FRY: variants seen among roughly 807,000 people sequenced by gnomAD.
FRY encodes the protein FRY microtubule binding protein.
In FRY, 128 loss-of-function variants were observed where a neutral mutation model predicts 348.4. That is an observed-to-expected ratio of 0.37 (90% CI 0.32 to 0.43). The LOEUF is 0.43. FRY is among the 20% of genes least tolerant of loss of function. The probability of loss-of-function intolerance (pLI) is 1.00; values close to 1 mark genes in which losing one functional copy is unlikely to be tolerated. For missense variants in FRY, 2,736 were observed against 3,695.2 expected, an observed-to-expected ratio of 0.74 and a Z score of 6.73; for synonymous variants, 1,370 against 1,374.7, an observed-to-expected ratio of 1.00 and a Z score of 0.08.
At position 32,265,605 on chromosome 13, in the gene FRY, T is replaced by C. The variant is rs1319998513; in HGVS notation, c.7935T>C (p.Phe2645=). ...EEKGNRALDQ[F]TLASFGEGDR... ...AAGGCAATCGGGCACTGGACCAGTT[T>C]ACCCTGGCGAGGTAATGGAGCCCTT... is the stretch of plus-strand genomic sequence containing the variant. Residue 2645 remains phenylalanine, a synonymous_variant, in exon 54 of 61, where the codon TTT becomes TTC. Coordinates refer to ENST00000542859, the MANE Select transcript of FRY (RefSeq NM_023037.3). 2 of 1,613,960 alleles carry C rather than the reference T, an allele frequency of 1.2e-6. No individual in the cohort carries two copies. The highest frequency in any genetic ancestry group is 2.7e-5 in the African/African-American group (2 of 74,942).
At chr13:32,062,871 G>A (rs1008932330) in intron 1 of FRY, among the ~76,000 whole-genome samples, 3 of 151,524 alleles carry the variant, frequency 2.0e-5, no homozygotes, top group African/African-American at 7.3e-5. Context: ...TTTTATAATG[G>A]CATATATATA....
chr13:32,254,238 G>T lies in FRY; in HGVS notation c.7260G>T (p.Ser2420=). The change falls in exon 51 of 61, where the codon TCG becomes TCT. Residue 2420 remains serine, a synonymous_variant. Transcript: ENST00000542859. ...LSKNPSVIFS[S]CGDLDLLEHQ... ...TTGATTCGCAGGTGATTTTTTCATC[G>T]TGTGGGGATCTGGATCTGCTTGAGC... 3 of 1,614,048 alleles carry T rather than the reference G, an allele frequency of 1.9e-6. No individual in the cohort carries two copies. Among genetic ancestry groups the T allele is most frequent in the Non-Finnish European group, 2.5e-6 (3 of 1,179,988 alleles).
intron 29 of FRY, among the ~76,000 whole-genome samples, chr13:32,201,376 G>A (rs1884021824): frequency 6.6e-6 from 1 of 152,120 alleles, no homozygotes; most frequent in Non-Finnish European, 1.5e-5. Context: ...GCATGCTGTG[G>A]ATGTTCCAAC....
intron 1 of FRY, among the ~76,000 whole-genome samples, chr13:32,037,692 G>A (rs908673978): frequency 6.6e-6 from 1 of 152,156 alleles, no homozygotes. Context: ...AATATTTAGA[G>A]GTTTCAACTG....
intron 1 of FRY, among the ~76,000 whole-genome samples, chr13:32,056,063 C>T (rs756607343): frequency 1.1e-4 from 17 of 151,758 alleles, no homozygotes; most frequent in South Asian, 2.1e-4. Context: ...TGGTGGCATG[C>T]GCCTGTAGTC....
chr13:32,291,898 G>A (rs948491747), intron 59 of FRY: 5 of 402,968 alleles, frequency 1.2e-5, no homozygotes, highest in Non-Finnish European at 2.0e-5. Flanking sequence ...AGATGTGACT[G>A]AATTGCTGCA....
intron 1 of FRY, among the ~76,000 whole-genome samples, chr13:32,045,637 G>C (rs961403134): frequency 6.6e-6 from 1 of 152,192 alleles, no homozygotes; most frequent in Admixed American, 6.5e-5. Flanking sequence ...CAAGCCATTT[G>C]TTTTGGTAGA....
At chr13:32,287,104 G>A (rs1282162618) in intron 58 of FRY, among the ~76,000 whole-genome samples, 2 of 151,304 alleles carry the variant, frequency 1.3e-5, no homozygotes, top group East Asian at 3.9e-4. Flanking sequence ...GGCGGAGGTT[G>A]CAATGAGCCA....
chr13:32,121,071 T>C (rs751353636), intron 4 of FRY, among the ~76,000 whole-genome samples: 3 of 152,230 alleles, frequency 2.0e-5, no homozygotes, highest in Non-Finnish European at 4.4e-5. Context: ...TAGTCTCCAA[T>C]CTCATCCAGG....
chr13:32,237,657 A>T lies in FRY; in HGVS notation c.6089A>T (p.Asp2030Val). The change falls in exon 44 of 61, where the codon GAC becomes GTC. Residue 2030 changes from aspartate to valine, a missense_variant. By Grantham distance (152) the Asp-to-Val change is radical. This residue lies in a region of FRY where 789 missense variants were observed against 996.2 expected (regional missense o/e 0.79). Coordinates refer to ENST00000542859, the MANE Select transcript of FRY (RefSeq NM_023037.3). This position sits in a 1 kb window ranked among gnomAD's most constrained non-coding sequence, Gnocchi z 6.3. ...SSSSLKDSLT[D>V]PSHINHPTNL... ...TCCTCCTTGAAGGACAGTCTCACGGACCCATCCCACATAAACCATCCCACC... is the reference window on the plus strand; with the variant it reads ...TCCTCCTTGAAGGACAGTCTCACGGTCCCATCCCACATAAACCATCCCACC... 1 of 1,614,114 alleles carries T rather than the reference A, an allele frequency of 6.2e-7. No individual in the cohort carries two copies. The highest frequency in any genetic ancestry group is 1.1e-5 in the South Asian group (1 of 91,072).
intron 15 of FRY, among the ~76,000 whole-genome samples, chr13:32,156,157 G>A (rs1881093676): frequency 6.6e-6 from 1 of 152,106 alleles, no homozygotes; most frequent in East Asian, 1.9e-4. Context: ...GATGTTTTTG[G>A]CATTTGTTCA....
At chr13:32,233,649 C>G (rs928405814) in intron 41 of FRY, among the ~76,000 whole-genome samples, 6 of 152,212 alleles carry the variant, frequency 3.9e-5, no homozygotes, top group Non-Finnish European at 8.8e-5. Flanking sequence ...CAGCTTTCCT[C>G]TCTTCTGAAA....
At chr13:32,054,956 T>C (rs1873544341) in intron 1 of FRY, among the ~76,000 whole-genome samples, 1 of 152,192 alleles carries the variant, frequency 6.6e-6, no homozygotes, top group East Asian at 1.9e-4. Flanking sequence ...CAAGTTCTTT[T>C]GGTTAACTTC....
chr13:32,225,097 G>A (rs573072950), intron 38 of FRY, 61 bp downstream of exon 38: 26 of 943,442 alleles, frequency 2.8e-5, no homozygotes, highest in East Asian at 1.4e-4. Flanking sequence ...GAAGTAATCC[G>A]TAGAGATTTC....
At position 32,233,123 on chromosome 13, in the gene FRY, G is replaced by A. The variant is rs989823475; in HGVS notation, c.5528-1451G>A. Among the ~76,000 whole-genome samples the A allele has an allele frequency of 3.9e-5, 6 of 152,244 alleles. No homozygotes were observed. In the East Asian group the frequency reaches 7.7e-4, roughly 20 times the overall value. On this transcript the variant is annotated intron_variant, in intron 41 of 60. Transcript: ENST00000542859. Reference sequence around the variant, plus strand: ...GCAGCCTACATGGGTTTAATCCTACGTTTACTACCCTGAATGTGTCTGAAG... The same window carrying A: ...GCAGCCTACATGGGTTTAATCCTACATTTACTACCCTGAATGTGTCTGAAG...
At chr13:32,079,977 A>G (rs1875373562) in intron 2 of FRY, among the ~76,000 whole-genome samples, 1 of 152,262 alleles carries the variant, frequency 6.6e-6, no homozygotes, top group South Asian at 2.1e-4. Flanking sequence ...CTCTGAAAAT[A>G]TGTAATAGAT....
intron 5 of FRY, 68 bp downstream of exon 5, chr13:32,124,444 AG>A: frequency 2.0e-6 from 2 of 989,274 alleles, no homozygotes; most frequent in Non-Finnish European, 3.1e-6. Flanking sequence ...AGGTTGTAAA[AG>A]TCTAAGTTTT....
At chr13:32,062,974 T>C (rs1182746289) in intron 1 of FRY, among the ~76,000 whole-genome samples, 1 of 151,932 alleles carries the variant, frequency 6.6e-6, no homozygotes, top group Admixed American at 6.6e-5. Context: ...ATATATTTTA[T>C]AATAGAATGC....
chr13:32,213,957 C>T (rs1023912705), intron 35 of FRY, among the ~76,000 whole-genome samples: 2 of 152,224 alleles, frequency 1.3e-5, no homozygotes, highest in African/African-American at 4.8e-5. Flanking sequence ...ATTGGAAAGC[C>T]TGATGCAATT....
Sources: allele counts gnomAD v4.1 joint callset (sites outside exome capture counted in the v4.1 genomes callset), GRCh38; gene constraint gnomAD v4.1.1; regional missense constraint gnomAD v4.1.1; non-coding constraint Gnocchi (gnomAD v3.1); transcripts MANE v1.5; gene names NCBI Gene and HGNC (gene_info 2026-07-23, HGNC 2026-07-21).